The following LBX2 variants were observed in gnomAD, a reference collection of about 807,000 sequenced individuals.
The protein encoded by LBX2 is ladybird homeobox 2.
Under a neutral mutation model 7.5 loss-of-function variants are expected in LBX2, and 6 were observed. That is an observed-to-expected ratio of 0.80 (90% CI 0.44 to 1.59). LBX2 has a LOEUF of 1.59. Ranked by LOEUF, LBX2 falls within the 40% of genes most tolerant of loss-of-function variation. The probability of loss-of-function intolerance (pLI) is 0.01; values close to 1 mark genes in which losing one functional copy is unlikely to be tolerated. For missense variants in LBX2, 281 were observed against 282.0 expected, an observed-to-expected ratio of 1.00 and a Z score of 0.03; for synonymous variants, 143 against 133.2, an observed-to-expected ratio of 1.07 and a Z score of -0.51.
At chr2:74,503,050 C>A, upstream of LBX2, 1 of 554,160 alleles carries the variant, frequency 1.8e-6, no homozygotes, top group Non-Finnish European at 3.1e-6. This position sits in a 1 kb window ranked among gnomAD's most constrained non-coding sequence, Gnocchi z 5.1. Flanking sequence ...GCAGCACGGC[C>A]GAGTGCGTCC....
upstream of LBX2, chr2:74,501,441 A>G (rs1674480938): frequency 6.6e-6 from 1 of 152,252 alleles, no homozygotes; most frequent in African/African-American, 2.4e-5. Context: ...ACCTTCACTC[A>G]TGCATCCTCT....
At chr2:74,499,858 G>C (rs528726425), upstream of LBX2, 1 of 381,464 alleles carries the variant, frequency 2.6e-6, no homozygotes, top group East Asian at 4.6e-5. This position sits in a 1 kb window ranked among gnomAD's most constrained non-coding sequence, Gnocchi z 4.6. Flanking sequence ...AGTCAGGCCG[G>C]GCCATACCTC....
chr2:74,497,969 G>C lies in LBX2; in HGVS notation c.555C>G (p.Ser185=), dbSNP rs552425494. ...GLCLGPAGPD[S]RPHLSDEEIQ... is the part of the protein sequence containing the mutation. ...TCTCCTCGTCTGACAGGTGGGGCCG[G>C]GAGTCAGGGCCGGCAGGGCCGAGGC... is the stretch of plus-strand genomic sequence containing the variant. Residue 185 remains serine, a synonymous_variant, in exon 2 of 2, where the codon TCC becomes TCG. Coordinates refer to ENST00000377566, the MANE Select transcript of LBX2 (RefSeq NM_001282430.2). The C allele has an allele frequency of 1.2e-6, 2 of 1,601,988 alleles. No individual in the cohort carries two copies. Among genetic ancestry groups the C allele is most frequent in the South Asian group, 2.2e-5 (2 of 90,264 alleles).
Position 74,497,744 on chromosome 2 carries a change from C to T in LBX2, c.*183G>A, listed in dbSNP as rs1674382778. On this transcript the variant is annotated 3_prime_UTR_variant, in exon 2 of 2. Coordinates refer to ENST00000377566, the MANE Select transcript of LBX2 (RefSeq NM_001282430.2). ...CGGCACTCCAGCCTGGGCGACAGAGCGAGGCCCTGTCTCAGACAACAAAAC... is the reference window on the plus strand; with the variant it reads ...CGGCACTCCAGCCTGGGCGACAGAGTGAGGCCCTGTCTCAGACAACAAAAC... The T allele has an allele frequency of 1.5e-5, 10 of 657,378 alleles. No individual in the cohort carries two copies. In the South Asian group the frequency reaches 2.2e-4, roughly 14 times the overall value. 40.7% of individuals were successfully genotyped at this position (657,378 alleles called of 1,614,324 possible). A position where few individuals can be genotyped will look rare whatever the true frequency, so the allele number is the denominator to read the frequency against.
In LBX2 at chr2:74,499,225, G is replaced by A; in HGVS notation, c.205+108C>T. The A allele has an allele frequency of 1.0e-6, 1 of 972,694 alleles. No homozygotes were observed. Among genetic ancestry groups the A allele is most frequent in the Non-Finnish European group, 1.6e-6 (1 of 635,862 alleles). The allele number at this position is 972,694 out of a possible 1,614,324, so 60.3% of individuals were successfully genotyped here. A position where few individuals can be genotyped will look rare whatever the true frequency, so the allele number is the denominator to read the frequency against. The stretch of plus-strand genomic sequence containing the variant: ...GGCACGTGGGCTGAGGACAGGGGAG[G>A]ATTAGGGTGGGTGGCCTGGGCTGGG... On this transcript the variant is annotated intron_variant, in intron 1 of 1. Coordinates refer to ENST00000377566, the MANE Select transcript of LBX2 (RefSeq NM_001282430.2). The surrounding 1 kb of genome is among the most constrained non-coding windows in gnomAD (Gnocchi z 4.6).
At chr2:74,499,851 C>T (rs1441266918), upstream of LBX2, 2 of 393,976 alleles carry the variant, frequency 5.1e-6, no homozygotes, top group South Asian at 4.1e-5. This position sits in a 1 kb window ranked among gnomAD's most constrained non-coding sequence, Gnocchi z 4.6. Context: ...CGTGCACAGT[C>T]AGGCCGGGCC....
At chr2:74,502,376 G>C (rs938102875), upstream of LBX2, 4 of 446,794 alleles carry the variant, frequency 9.0e-6, no homozygotes, top group Non-Finnish European at 1.6e-5. The surrounding 1 kb of genome is among the most constrained non-coding windows in gnomAD (Gnocchi z 5.4). Flanking sequence ...TTGCCGGCCC[G>C]GACATTCCAC....
upstream of LBX2, chr2:74,502,873 A>G: frequency 6.3e-7 from 1 of 1,586,632 alleles, no homozygotes; most frequent in Non-Finnish European, 8.6e-7. The surrounding 1 kb of genome is among the most constrained non-coding windows in gnomAD (Gnocchi z 5.4). Flanking sequence ...GCCCTGGGAA[A>G]GACTGGCCAG....
intron 1 of LBX2, chr2:74,498,950 AG>A (rs1674424606): frequency 3.8e-6 from 1 of 262,366 alleles, no homozygotes; most frequent in African/African-American, 2.2e-5. Context: ...TCACCCGGAA[AG>A]ACTCGACTCT....
chr2:74,500,804 C>T (rs1442938349), upstream of LBX2, among the ~76,000 whole-genome samples: 1 of 152,188 alleles, frequency 6.6e-6, no homozygotes, highest in East Asian at 1.9e-4. Flanking sequence ...GAAGCCCTGC[C>T]ACTCCTGAGG....
rs752635082 is a variant in LBX2 at position 74,498,259 on chromosome 2, G to C, written c.265C>G (p.Arg89Gly). 6.3e-7 allele frequency: 1 copy of C among 1,596,360 alleles called. No homozygotes were observed. Among genetic ancestry groups the C allele is most frequent in the Admixed American group, 1.7e-5 (1 of 59,554 alleles). The change falls in exon 2 of 2, where the codon CGC (arginine) becomes GGC (glycine). Residue 89 changes from arginine to glycine, a missense_variant. Arg to Gly is a moderately radical substitution (Grantham distance 125). Coordinates refer to ENST00000377566, the MANE Select transcript of LBX2 (RefSeq NM_001282430.2). ...GPFGRKRRKS[R>G]TAFTAQQVLE... is the part of the protein sequence containing the mutation. ...ACCTGTTGCGCGGTGAACGCAGTGC[G>C]TGACTTGCGCCGTTTGCGGCCGAAG...
upstream of LBX2, among the ~76,000 whole-genome samples, chr2:74,500,062 A>C (rs1360699594): frequency 2.0e-5 from 3 of 151,458 alleles, no homozygotes; most frequent in Non-Finnish European, 2.9e-5. Flanking sequence ...CCTCTTCCCC[A>C]CCCCACCCCT....
chr2:74,503,218 CG>C, upstream of LBX2: 1 of 224,382 alleles, frequency 4.5e-6, no homozygotes, highest in South Asian at 1.0e-4. This position sits in a 1 kb window ranked among gnomAD's most constrained non-coding sequence, Gnocchi z 5.1. Context: ...CGAGTGACCC[CG>C]GGGTCCGGGT....
Position 74,499,397 on chromosome 2 carries a change from C to T in LBX2, c.141G>A (p.Ala47=). The change falls in exon 1 of 2, where the codon GCG becomes GCA. Residue 47 remains alanine, a synonymous_variant. Transcript: ENST00000377566. This position sits in a 1 kb window ranked among gnomAD's most constrained non-coding sequence, Gnocchi z 4.6. The part of the protein sequence containing the change: ...SGPGPTSPLC[A]LEELTSKTFR... ...AAGTTTTACTAGTCAGCTCCTCCAG[C>T]GCGCACAGCGGCGACGTTGGACCCG... The T allele has an allele frequency of 1.9e-6, 3 of 1,550,634 alleles. No homozygotes were observed. Among genetic ancestry groups the T allele is most frequent in the Non-Finnish European group, 2.6e-6 (3 of 1,147,002 alleles).
chr2:74,498,985 G>T (rs1254839057), intron 1 of LBX2: 5 of 330,588 alleles, frequency 1.5e-5, no homozygotes, highest in Admixed American at 1.4e-4. Flanking sequence ...TGCCGCCTTT[G>T]CAGGCTCACT....
upstream of LBX2, chr2:74,502,987 G>A (rs1274186153): frequency 1.3e-6 from 1 of 793,482 alleles, no homozygotes; most frequent in Admixed American, 3.0e-5. The surrounding 1 kb of genome is among the most constrained non-coding windows in gnomAD (Gnocchi z 5.4). Flanking sequence ...GAGGAAGGTG[G>A]GCAGGGGCAA....
In LBX2 at chr2:74,497,964, G is replaced by A. The variant is rs1416410029; in HGVS notation, c.560C>T (p.Pro187Leu). 1.2e-6 allele frequency: 2 copies of A among 1,600,628 alleles called. No individual in the cohort carries two copies. Among genetic ancestry groups the A allele is most frequent in the African/African-American group, 2.7e-5 (2 of 74,558 alleles). The change falls in exon 2 of 2, where the codon CCC becomes CTC. Residue 187 changes from proline to leucine, a missense_variant. By Grantham distance (98) the Pro-to-Leu change is moderately conservative. Around this residue, in one of 3 missense-constraint regions of LBX2, gnomAD observed 59 missense variants for 52.9 expected, o/e 1.11. Coordinates refer to ENST00000377566, the MANE Select transcript of LBX2 (RefSeq NM_001282430.2). ...CTGTATCTCCTCGTCTGACAGGTGG[G>A]GCCGGGAGTCAGGGCCGGCAGGGCC... ...CLGPAGPDSR[P>L]HLSDEEIQVD...
chr2:74,498,613 G>T (rs1050226226), intron 1 of LBX2: 5 of 444,962 alleles, frequency 1.1e-5, no homozygotes, highest in African/African-American at 8.0e-5. Context: ...CAAACCTTCT[G>T]GGGTGGAGCC....
At chr2:74,502,523 G>A, upstream of LBX2, 2 of 760,912 alleles carry the variant, frequency 2.6e-6, no homozygotes, top group East Asian at 2.7e-5. This position sits in a 1 kb window ranked among gnomAD's most constrained non-coding sequence, Gnocchi z 5.4. Flanking sequence ...CGGAGTGAGA[G>A]GGCAGTGGGA....
Sources: gnomAD v4.1 joint callset for allele counts (sites outside exome capture counted in the v4.1 genomes callset) on GRCh38, gnomAD v4.1.1 for gene constraint, gnomAD v4.1.1 regional missense constraint, Gnocchi (gnomAD v3.1) non-coding constraint, MANE v1.5 for transcripts, NCBI Gene and HGNC (gene_info 2026-07-23, HGNC 2026-07-21) for gene names.